The following ARHGAP32 variants were observed in gnomAD, a reference collection of about 807,000 sequenced individuals.
ARHGAP32 encodes Rho GTPase activating protein 32.
Under a neutral mutation model 186.5 loss-of-function variants are expected in ARHGAP32, and 51 were observed. The observed-to-expected ratio is 0.27, with a 90% CI of 0.22 to 0.35. The LOEUF is 0.35. Among genes scored for constraint, ARHGAP32 ranks in the 10% least tolerant of loss-of-function variants. The pLI is 1.00. For synonymous variants in ARHGAP32, 950 were observed against 964.3 expected (o/e 0.99, Z 0.27); for missense variants, 2,186 against 2,623.5 (o/e 0.83, Z 3.64).
At chr11:129,246,030 T>A (rs955256621) in intron 1 of ARHGAP32, among the ~76,000 whole-genome samples, 1 of 152,238 alleles carries the variant, frequency 6.6e-6, no homozygotes, top group Non-Finnish European at 1.5e-5. Context: ...TTCAATAGAT[T>A]AGCTATTCAT....
chr11:129,065,336 C>G (rs1940651574), intron 7 of ARHGAP32, among the ~76,000 whole-genome samples: 1 of 152,174 alleles, frequency 6.6e-6, no homozygotes, highest in Non-Finnish European at 1.5e-5. Context: ...GCAGGAGCAG[C>G]CATGTTCATA....
intron 11 of ARHGAP32, among the ~76,000 whole-genome samples, chr11:129,035,293 A>T (rs1418650127): frequency 6.6e-6 from 1 of 152,198 alleles, no homozygotes. Flanking sequence ...ATAATTGAAC[A>T]TATTAATAAC....
chr11:129,062,394 T>C, intron 9 of ARHGAP32, 37 bp from the exon 10 acceptor site: 2 of 1,549,918 alleles, frequency 1.3e-6, no homozygotes, highest in Non-Finnish European at 1.8e-6. Flanking sequence ...ATGGTTTTAG[T>C]TAAATTTTAA....
intron 19 of ARHGAP32, 68 bp downstream of exon 19, chr11:128,978,702 A>G: frequency 6.7e-7 from 1 of 1,489,758 alleles, no homozygotes; most frequent in Non-Finnish European, 9.0e-7. Flanking sequence ...CAATATGTGA[A>G]GAACGTGCCC....
At chr11:128,984,482 T>C (rs778069360) in intron 15 of ARHGAP32, among the ~76,000 whole-genome samples, 2 of 152,182 alleles carry the variant, frequency 1.3e-5, no homozygotes, top group Non-Finnish European at 2.9e-5. Flanking sequence ...GAGAACATGA[T>C]GGAAAATTAC....
chr11:129,247,349 T>G (rs1591717505), intron 1 of ARHGAP32, among the ~76,000 whole-genome samples: 3 of 152,340 alleles, frequency 2.0e-5, no homozygotes, highest in East Asian at 3.9e-4. Context: ...TTCATTCCTA[T>G]GTCTGTCTTC....
chr11:129,183,637 T>C (rs2135537676), intron 1 of ARHGAP32, among the ~76,000 whole-genome samples: 1 of 152,262 alleles, frequency 6.6e-6, no homozygotes, highest in East Asian at 1.9e-4. Context: ...TTAAGCCCTG[T>C]TTTGCAGATA....
In ARHGAP32 at chr11:129,237,190, G is replaced by A. The variant is rs146801698; in HGVS notation, c.-5+41956C>T. On this transcript the variant is annotated intron_variant, in intron 1 of 6. Transcript: ENST00000525234. ...AGGATTTTGGCATCAATGTTCATCG[G>A]GGGTACTGGTCTGTAGTCTTCTTTT... is the stretch of plus-strand genomic sequence containing the variant. Among the ~76,000 whole-genome samples the A allele has an allele frequency of 1.5e-3, 223 of 152,170 alleles. 1 individual carries two copies. The highest frequency in any genetic ancestry group is 5.0e-3 in the African/African-American group (206 of 41,520).
intron 11 of ARHGAP32, among the ~76,000 whole-genome samples, chr11:129,028,320 A>G (rs778495116): frequency 3.3e-5 from 5 of 152,240 alleles, no homozygotes; most frequent in Non-Finnish European, 5.9e-5. Flanking sequence ...TAAGTCAGTC[A>G]CAAGCGAGGG....
At chr11:129,000,804 A>G (rs891350635) in intron 11 of ARHGAP32, among the ~76,000 whole-genome samples, 1 of 150,966 alleles carries the variant, frequency 6.6e-6, no homozygotes, top group Non-Finnish European at 1.5e-5. Context: ...TCTGGTAACC[A>G]TCCTTCTACT....
At chr11:129,089,183 ACTAG>A (rs937165943) in intron 6 of ARHGAP32, among the ~76,000 whole-genome samples, 5 of 152,174 alleles carry the variant, frequency 3.3e-5, no homozygotes, top group African/African-American at 9.7e-5. Flanking sequence ...TCATTTATTC[ACTAG>A]CTATTTACTG....
At chr11:129,194,948 TGGG>T (rs60585805), upstream of ARHGAP32, among the ~76,000 whole-genome samples, 1 of 118,694 alleles carries the variant, frequency 8.4e-6, no homozygotes, top group African/African-American at 3.1e-5. Context: ...TGTTTTTTTG[TGGG>T]GGGGGGGGTT....
intron 11 of ARHGAP32, among the ~76,000 whole-genome samples, chr11:129,000,541 C>G (rs536476600): frequency 2.0e-5 from 3 of 152,238 alleles, no homozygotes; most frequent in South Asian, 4.1e-4. Flanking sequence ...TATTTTGATA[C>G]AAGCATGCAA....
At chr11:129,239,261 A>G (rs1280483104) in intron 1 of ARHGAP32, among the ~76,000 whole-genome samples, 1 of 152,158 alleles carries the variant, frequency 6.6e-6, no homozygotes, top group African/African-American at 2.4e-5. Context: ...TTTCCAGAAC[A>G]TTATTTTATA....
At chr11:129,271,445 T>C (rs373986137) in intron 1 of ARHGAP32, among the ~76,000 whole-genome samples, 1 of 151,988 alleles carries the variant, frequency 6.6e-6, no homozygotes, top group African/African-American at 2.4e-5. Flanking sequence ...ACTGAGATGG[T>C]AAAGACTTGG....
intron 1 of ARHGAP32, among the ~76,000 whole-genome samples, chr11:129,226,513 G>A (rs1944783906): frequency 6.6e-6 from 1 of 152,056 alleles, no homozygotes; most frequent in Admixed American, 6.6e-5. Context: ...GTGAAACAAT[G>A]TCATTTTCCC....
intron 5 of ARHGAP32, among the ~76,000 whole-genome samples, chr11:129,095,137 A>T (rs1205689099): frequency 1.3e-5 from 2 of 152,230 alleles, no homozygotes; most frequent in African/African-American, 4.8e-5. Context: ...CAGGTTAATG[A>T]TAAAAGCATA....
chr11:129,169,286 T>C lies in ARHGAP32; in HGVS notation c.117-4859A>G, dbSNP rs542777103. 2.6e-5 allele frequency among the ~76,000 whole-genome samples: 4 copies of C among 152,018 alleles called. No homozygotes were observed. The South Asian group carries it at 8.3e-4, about 32-fold the overall frequency. On this transcript the variant is annotated intron_variant, in intron 1 of 22. Transcript: ENST00000682385. The stretch of plus-strand genomic sequence containing the variant: ...CAATAAAAAAATGGAGAATCTACAA[T>C]ATAGATAATAAAAAGGGAGCCATAA...
intron 11 of ARHGAP32, chr11:129,024,274 C>T (rs761156694): frequency 3.9e-5 from 18 of 461,890 alleles, no homozygotes; most frequent in Non-Finnish European, 5.1e-5. Context: ...ATCAACCCCA[C>T]ACAGGTGAGC....
Sources: gnomAD v4.1 joint callset for allele counts (sites outside exome capture counted in the v4.1 genomes callset) on GRCh38, gnomAD v4.1.1 for gene constraint, MANE v1.5 for transcripts, NCBI Gene and HGNC (gene_info 2026-07-23, HGNC 2026-07-21) for gene names.